The following KCNK13 variants were observed in gnomAD, a reference collection of about 807,000 sequenced individuals.
The protein encoded by KCNK13 is potassium two pore domain channel subfamily K member 13.
A neutral mutation model predicts 23.4 loss-of-function variants in KCNK13; 12 were observed. The ratio of observed to expected loss-of-function variants is 0.51; its 90% CI spans 0.33 to 0.83. The LOEUF is 0.83. Among genes scored for constraint, KCNK13 ranks in the 40% least tolerant of loss-of-function variants. The pLI, the probability that KCNK13 is intolerant of heterozygous loss-of-function variation, is 0.02. For missense variants in KCNK13, 463 were observed against 556.3 expected, an observed-to-expected ratio of 0.83 and a Z score of 1.69; for synonymous variants, 231 against 229.5, an observed-to-expected ratio of 1.01 and a Z score of -0.06.
At position 90,150,560 on chromosome 14, in the gene KCNK13, G is replaced by A. The variant is rs375322069; in HGVS notation, c.335-33551G>A. On this transcript the variant is annotated intron_variant, in intron 1 of 1. Coordinates refer to ENST00000282146, the MANE Select transcript of KCNK13 (RefSeq NM_022054.4). ...AAAATCCAGAGACATATTTGATGAG[G>A]CAAAAACCAGCCACATCAGAGAAGG... is the stretch of plus-strand genomic sequence containing the variant. Among the ~76,000 whole-genome samples, 47 of 152,302 alleles carry A rather than the reference G, an allele frequency of 3.1e-4. No homozygotes were observed. The South Asian group carries it at 9.5e-3, about 31-fold the overall frequency.
chr14:90,113,013 A>C (rs941309113), intron 1 of KCNK13, among the ~76,000 whole-genome samples: 1 of 151,400 alleles, frequency 6.6e-6, no homozygotes, highest in Admixed American at 6.6e-5. Flanking sequence ...TTTTGGGCTC[A>C]AGCAATCCTT....
At chr14:90,183,164 C>T (rs1890507381) in intron 1 of KCNK13, among the ~76,000 whole-genome samples, 1 of 152,152 alleles carries the variant, frequency 6.6e-6, no homozygotes. Flanking sequence ...GTAGAAAGGT[C>T]AGGAGGGTGG....
Position 90,184,667 on chromosome 14 carries a change from G to A in KCNK13, c.891G>A (p.Gly297=). 6.2e-7 allele frequency: 1 copy of A among 1,614,248 alleles called. No individual in the cohort carries two copies. Among genetic ancestry groups the A allele is most frequent in the Non-Finnish European group, 8.5e-7 (1 of 1,180,048 alleles). The change falls in exon 2 of 2, where the codon GGG becomes GGA. Residue 297 remains glycine (G), a synonymous_variant. Coordinates refer to ENST00000282146, the MANE Select transcript of KCNK13 (RefSeq NM_022054.4). The surrounding 1 kb of genome is among the most constrained non-coding windows in gnomAD (Gnocchi z 5.6). ...GGATCCTGAGGAAAATGGACAGCGG[G>A]TGCTGCCCGCAATGCCAGAGAGGAC... is the stretch of plus-strand genomic sequence containing the variant. ...LNWILRKMDS[G]CCPQCQRGLL...
chr14:90,161,500 A>G (rs1890252902), intron 1 of KCNK13, among the ~76,000 whole-genome samples: 1 of 152,236 alleles, frequency 6.6e-6, no homozygotes, highest in Non-Finnish European at 1.5e-5. Context: ...AAAAATATGT[A>G]TGGTGGGAGA....
intron 1 of KCNK13, chr14:90,107,733 A>G: frequency 1.3e-6 from 1 of 791,428 alleles, no homozygotes; most frequent in South Asian, 1.3e-5. Context: ...GTGTTCATCA[A>G]GCCCACCTTC....
intron 1 of KCNK13, among the ~76,000 whole-genome samples, chr14:90,106,656 C>T (rs945611117): frequency 2.0e-5 from 3 of 151,856 alleles, no homozygotes; most frequent in Non-Finnish European, 4.4e-5. Context: ...ATAAAATAAA[C>T]TATACATATA....
In KCNK13 at chr14:90,184,051, C is replaced by T; in HGVS notation, c.335-60C>T. On this transcript the variant is annotated intron_variant, in intron 1 of 1. Transcript: ENST00000282146. This position sits in a 1 kb window ranked among gnomAD's most constrained non-coding sequence, Gnocchi z 5.6. Reference sequence around the variant, plus strand: ...CCTTTGCCAGCCATCAAAGCCAAGACCTAGACCCCATTCACAGCAAAGATT... The same window carrying T: ...CCTTTGCCAGCCATCAAAGCCAAGATCTAGACCCCATTCACAGCAAAGATT... 1 of 1,499,652 alleles carries T rather than the reference C, an allele frequency of 6.7e-7. No individual in the cohort carries two copies. Among genetic ancestry groups the T allele is most frequent in the African/African-American group, 1.4e-5 (1 of 72,302 alleles). 92.9% of individuals were successfully genotyped at this position (1,499,652 alleles called of 1,614,324 possible). A position where few individuals can be genotyped will look rare whatever the true frequency, so the allele number is the denominator to read the frequency against.
At position 90,132,743 on chromosome 14, in the gene KCNK13, T is replaced by C. The variant is rs535493754; in HGVS notation, c.335-51368T>C. Among the ~76,000 whole-genome samples the C allele has an allele frequency of 3.3e-5, 5 of 152,244 alleles. No individual in the cohort carries two copies. The South Asian group carries it at 1.0e-3, about 32-fold the overall frequency. On this transcript the variant is annotated intron_variant, in intron 1 of 1. Coordinates refer to ENST00000282146, the MANE Select transcript of KCNK13 (RefSeq NM_022054.4). ...ACTGTGCACCTAAAAGTAGATAAGATGGTAAGTTTCATGTTATGTATATTT... is the reference window on the plus strand; with the variant it reads ...ACTGTGCACCTAAAAGTAGATAAGACGGTAAGTTTCATGTTATGTATATTT...
chr14:90,102,315 T>C (rs1889491856), intron 1 of KCNK13, among the ~76,000 whole-genome samples: 1 of 152,222 alleles, frequency 6.6e-6, no homozygotes. Context: ...CCAGCCAGCA[T>C]ACAGAAAGCT....
chr14:90,139,260 G>A (rs1043031749), intron 1 of KCNK13, among the ~76,000 whole-genome samples: 4 of 152,236 alleles, frequency 2.6e-5, no homozygotes, highest in African/African-American at 4.8e-5. Flanking sequence ...GAGCGGGGCA[G>A]GCTACTCTTC....
At chr14:90,114,770 G>A (rs976979918) in intron 1 of KCNK13, among the ~76,000 whole-genome samples, 15 of 152,170 alleles carry the variant, frequency 9.9e-5, no homozygotes, top group African/African-American at 3.6e-4. Flanking sequence ...ATCCTTGAGA[G>A]TGAGACCTAG....
At chr14:90,178,385 G>A (rs754689952) in intron 1 of KCNK13, among the ~76,000 whole-genome samples, 11 of 151,932 alleles carry the variant, frequency 7.2e-5, no homozygotes, top group African/African-American at 2.4e-4. Flanking sequence ...TCCACCTCCC[G>A]GGTTCAAGTG....
At chr14:90,179,663 C>T (rs1302783548) in intron 1 of KCNK13, among the ~76,000 whole-genome samples, 4 of 152,278 alleles carry the variant, frequency 2.6e-5, no homozygotes, top group Middle Eastern at 3.4e-3. Flanking sequence ...CTCCCAGACT[C>T]GGGCTGAACA....
At chr14:90,095,249 G>A (rs181613446) in intron 1 of KCNK13, among the ~76,000 whole-genome samples, 1 of 152,228 alleles carries the variant, frequency 6.6e-6, no homozygotes, top group African/African-American at 2.4e-5. Context: ...TTTCTCAGAT[G>A]TCCTTTTGTG....
intron 1 of KCNK13, among the ~76,000 whole-genome samples, chr14:90,114,742 C>G (rs950373692): frequency 1.3e-4 from 20 of 152,164 alleles, no homozygotes; most frequent in Non-Finnish European, 1.5e-5. Context: ...CCTGATTCTC[C>G]GGGTGTTCCT....
chr14:90,141,420 G>A (rs1890003704), intron 1 of KCNK13, among the ~76,000 whole-genome samples: 1 of 152,150 alleles, frequency 6.6e-6, no homozygotes, highest in Non-Finnish European at 1.5e-5. Flanking sequence ...GATGCATCAT[G>A]CCCAAGCATC....
At chr14:90,156,780 A>C (rs73332339) in intron 1 of KCNK13, among the ~76,000 whole-genome samples, 4,786 of 152,290 alleles carry the variant, frequency 0.031, 142 homozygotes, top group African/African-American at 0.07. Flanking sequence ...GGCAAAAGCA[A>C]GATGTGAGTC....
intron 1 of KCNK13, among the ~76,000 whole-genome samples, chr14:90,154,544 T>C (rs1022830551): frequency 1.3e-5 from 2 of 152,212 alleles, no homozygotes; most frequent in African/African-American, 4.8e-5. Context: ...GCCTAGCCCA[T>C]CCTGCAGTCT....
intron 1 of KCNK13, among the ~76,000 whole-genome samples, chr14:90,092,912 C>CAAAAAAAA (rs34122207): frequency 0.012 from 974 of 78,268 alleles, 29 homozygotes; most frequent in Non-Finnish European, 0.018. Context: ...ACCCTGTCTC[C>CAAAAAAAA]AAAAAAAAAA....
Sources: gnomAD v4.1 joint callset for allele counts (sites outside exome capture counted in the v4.1 genomes callset) on GRCh38, gnomAD v4.1.1 for gene constraint, Gnocchi (gnomAD v3.1) non-coding constraint, MANE v1.5 for transcripts, NCBI Gene and HGNC (gene_info 2026-07-23, HGNC 2026-07-21) for gene names.